CLTC: variants seen among roughly 807,000 people sequenced by gnomAD.
The protein encoded by CLTC is clathrin heavy chain 1.
CLTC carries 16 observed loss-of-function variants against 195.8 expected under a neutral mutation model. The observed-to-expected ratio is 0.08, with a 90% CI of 0.06 to 0.12. The LOEUF (loss-of-function observed/expected upper bound fraction) is 0.12. Among genes scored for constraint, CLTC ranks in the 10% least tolerant of loss-of-function variants. The pLI, the probability that CLTC is intolerant of heterozygous loss-of-function variation, is 1.00. For synonymous variants in CLTC, 667 were observed against 689.4 expected (o/e 0.97, Z 0.51); for missense variants, 796 against 2,027.0 (o/e 0.39, Z 11.66).
chr17:59,629,495 C>T (rs1033510801), intron 1 of CLTC, among the ~76,000 whole-genome samples: 44 of 148,398 alleles, frequency 3.0e-4, no homozygotes, highest in African/African-American at 9.4e-4. Context: ...GCAGTCCATT[C>T]GGGCATGTTT....
intron 10 of CLTC, 66 bp downstream of exon 10, chr17:59,664,975 G>GT: frequency 6.3e-7 from 1 of 1,584,514 alleles, no homozygotes; most frequent in Non-Finnish European, 8.6e-7. Flanking sequence ...AGCCATGGTG[G>GT]TTGACTTGGG....
intron 2 of CLTC, chr17:59,646,098 T>C (rs1438322356): frequency 1.1e-5 from 5 of 444,470 alleles, no homozygotes; most frequent in Non-Finnish European, 1.5e-5. Flanking sequence ...TTTCGGAGCA[T>C]TGTACAATAA....
At position 59,677,167 on chromosome 17, in the gene CLTC, A is replaced by G. The variant is rs74649914; in HGVS notation, c.2775A>G (p.Gln925=). 5.7e-4 allele frequency: 912 copies of G among 1,613,746 alleles called. 7 individuals carry two copies. In the African/African-American group the frequency reaches 0.01, roughly 18 times the overall value. ...HLACVAYERG[Q]CDLELINVCN... is the part of the protein sequence containing the mutation. ...CCTGTGTTGCTTATGAACGTGGCCA[A>G]TGTGATCTGGAACTTATTAATGTGA... The change falls in exon 17 of 32, where the codon CAA becomes CAG. Residue 925 remains glutamine (Q), a synonymous_variant. Transcript: ENST00000269122.
At chr17:59,645,584 C>G (rs572949140) in intron 2 of CLTC, among the ~76,000 whole-genome samples, 1 of 152,222 alleles carries the variant, frequency 6.6e-6, no homozygotes, top group South Asian at 2.1e-4. Context: ...AGTTCAAGTT[C>G]GCAGTAATTT....
intron 10 of CLTC, 144 bp downstream of exon 10, chr17:59,665,053 T>G: frequency 2.9e-6 from 3 of 1,039,380 alleles, no homozygotes; most frequent in South Asian, 3.5e-5. Flanking sequence ...TGTGAGACCC[T>G]GTAACTACAA....
At chr17:59,661,009 A>G (rs2032594839) in intron 7 of CLTC, among the ~76,000 whole-genome samples, 1 of 152,194 alleles carries the variant, frequency 6.6e-6, no homozygotes, top group Non-Finnish European at 1.5e-5. Flanking sequence ...ATGTTAGTTT[A>G]TGGTGGACTG....
chr17:59,633,857 G>A (rs113223802), intron 1 of CLTC, among the ~76,000 whole-genome samples: 35 of 152,310 alleles, frequency 2.3e-4, no homozygotes, highest in African/African-American at 8.4e-4. Flanking sequence ...AGCCTTTAAT[G>A]TCTCCCTGGT....
rs1244986924 is a variant in CLTC, at chr17:59,683,682, C to G, written c.4249C>G (p.Leu1417Val). ...ACAGTTCTACTTAGAATTCAAGCCT[C>G]TGTTGTTAAATGATTTGCTGATGGT... ...AIQFYLEFKP[L>V]LLNDLLMVLS... Residue 1417 changes from leucine to valine, a missense_variant, in exon 27 of 32, where the codon CTG (leucine) becomes GTG (valine). By Grantham distance (32) the Leu-to-Val change is conservative. This residue lies in a region of CLTC where 102 missense variants were observed against 317.6 expected (regional missense o/e 0.32). Coordinates refer to ENST00000269122, the MANE Select transcript of CLTC (RefSeq NM_004859.4). The surrounding 1 kb of genome is among the most constrained non-coding windows in gnomAD (Gnocchi z 6.1). The G allele has an allele frequency of 6.2e-7, 1 of 1,614,176 alleles. No homozygotes were observed. The highest frequency in any genetic ancestry group is 1.7e-5 in the Admixed American group (1 of 60,026).
At chr17:59,660,689 G>A (rs964469731) in intron 7 of CLTC, 101 bp downstream of exon 7, 3 of 1,152,130 alleles carry the variant, frequency 2.6e-6, no homozygotes, top group Non-Finnish European at 2.5e-6. Context: ...CAGATAAACT[G>A]TTTTTAGATT....
intron 14 of CLTC, among the ~76,000 whole-genome samples, chr17:59,672,718 A>G (rs1353028150): frequency 6.6e-6 from 1 of 152,154 alleles, no homozygotes; most frequent in Non-Finnish European, 1.5e-5. Flanking sequence ...CGTATTATTT[A>G]TAATCGAGTA....
At chr17:59,679,785 TA>T (rs1290971125) in intron 18 of CLTC, among the ~76,000 whole-genome samples, 1 of 151,878 alleles carries the variant, frequency 6.6e-6, no homozygotes, top group East Asian at 1.9e-4. Flanking sequence ...TTAAGAAAAA[TA>T]AGCCATGTGC....
rs1362476976 is a variant in CLTC, at chr17:59,681,528, G to T, written c.3249+50G>T. On this transcript the variant is annotated intron_variant, in intron 20 of 31. Transcript: ENST00000269122. The surrounding 1 kb of genome is among the most constrained non-coding windows in gnomAD (Gnocchi z 5.0). ...GAATTACTAAACACTGTGCTATGAG[G>T]GTGGGCCTAATTGGTTGCTACGGCA... 2 of 1,595,866 alleles carry T rather than the reference G, an allele frequency of 1.3e-6. No homozygotes were observed. The highest frequency in any genetic ancestry group is 3.4e-5 in the Admixed American group (2 of 59,468).
At chr17:59,687,513 T>C (rs2033209772) in intron 30 of CLTC, among the ~76,000 whole-genome samples, 1 of 151,462 alleles carries the variant, frequency 6.6e-6, no homozygotes, top group Non-Finnish European at 1.5e-5. Context: ...ATTGAAGGAC[T>C]GTGATCCAGT....
At chr17:59,656,649 G>A (rs1360766715) in intron 6 of CLTC, among the ~76,000 whole-genome samples, 1 of 144,430 alleles carries the variant, frequency 6.9e-6, no homozygotes, top group Non-Finnish European at 1.5e-5. Flanking sequence ...TTCTTTATCT[G>A]TCATCTTATT....
chr17:59,625,382 C>T (rs1303294187), intron 1 of CLTC, among the ~76,000 whole-genome samples: 1 of 152,084 alleles, frequency 6.6e-6, no homozygotes, highest in Non-Finnish European at 1.5e-5. Context: ...GCCTCGGCCT[C>T]CCGAAGTGTT....
At chr17:59,624,137 T>C (rs2031469563) in intron 1 of CLTC, among the ~76,000 whole-genome samples, 1 of 152,218 alleles carries the variant, frequency 6.6e-6, no homozygotes, top group Non-Finnish European at 1.5e-5. Context: ...GGCTAGGTAC[T>C]TTCAGATCTT....
Position 59,664,563 on chromosome 17 carries a change from AAAAAG to A in CLTC, c.1522-204_1522-200del, listed in dbSNP as rs1268432205. ...AAGACCCTGTCTCAAAAAAAAAAAA[AAAAAG>A]AAAAGAAAAGAAAAGAAAATGGATA... On this transcript the variant is annotated intron_variant, in intron 9 of 31. Coordinates refer to ENST00000269122, the MANE Select transcript of CLTC (RefSeq NM_004859.4). 1,928 of 289,360 alleles carry A rather than the reference AAAAAG, an allele frequency of 6.7e-3. 12 individuals are homozygous for A. Among genetic ancestry groups the A allele is most frequent in the East Asian group, 0.042 (290 of 6,832 alleles). 17.9% of individuals were successfully genotyped at this position (289,360 alleles called of 1,614,324 possible).
chr17:59,644,473 T>C lies in CLTC; in HGVS notation c.240T>C (p.Ile80=). Reference sequence around the variant, plus strand: ...TCATGAATCCAGCTAGCAAAGTAATTGCACTGAAAGGTATAAAAGAATGTG... The same window carrying C: ...TCATGAATCCAGCTAGCAAAGTAATCGCACTGAAAGGTATAAAAGAATGTG... ...SAIMNPASKV[I]ALKAGKTLQI... The change falls in exon 2 of 32, where the codon ATT becomes ATC. Residue 80 remains isoleucine (I), a synonymous_variant. Coordinates refer to ENST00000269122, the MANE Select transcript of CLTC (RefSeq NM_004859.4). 1 of 1,613,240 alleles carries C rather than the reference T, an allele frequency of 6.2e-7. No individual in the cohort carries two copies. The highest frequency in any genetic ancestry group is 8.5e-7 in the Non-Finnish European group (1 of 1,179,466).
chr17:59,681,188 C>T lies in CLTC; in HGVS notation c.3066-107C>T. On this transcript the variant is annotated intron_variant, in intron 19 of 31. Coordinates refer to ENST00000269122, the MANE Select transcript of CLTC (RefSeq NM_004859.4). The surrounding 1 kb of genome is among the most constrained non-coding windows in gnomAD (Gnocchi z 5.0). ...TCTCACTCTTCTAATATCCTCCCCC[C>T]TACCCTACCTCTTGAGACAAAAACC... The T allele has an allele frequency of 2.8e-6, 4 of 1,441,614 alleles. No homozygotes were observed. The highest frequency in any genetic ancestry group is 3.8e-6 in the Non-Finnish European group (4 of 1,058,520). 89.3% of individuals were successfully genotyped at this position (1,441,614 alleles called of 1,614,324 possible).
Sources: allele counts gnomAD v4.1 joint callset (sites outside exome capture counted in the v4.1 genomes callset), GRCh38; gene constraint gnomAD v4.1.1; regional missense constraint gnomAD v4.1.1; non-coding constraint Gnocchi (gnomAD v3.1); transcripts MANE v1.5; gene names NCBI Gene and HGNC (gene_info 2026-07-23, HGNC 2026-07-21).